The following ZNF423 variants were observed in gnomAD, a reference collection of about 807,000 sequenced individuals.
ZNF423 encodes Ebf-associated zinc finger protein.
Under a neutral mutation model 95.8 loss-of-function variants are expected in ZNF423, and 12 were observed. That is an observed-to-expected ratio of 0.13 (90% CI 0.08 to 0.20). The LOEUF (loss-of-function observed/expected upper bound fraction) is 0.20. Among genes scored for constraint, ZNF423 ranks in the 10% least tolerant of loss-of-function variants. The pLI is 1.00. For missense variants in ZNF423, 1,316 were observed against 1,737.1 expected (o/e 0.76, Z 4.31); for synonymous variants, 749 against 711.9 (o/e 1.05, Z -0.83).
chr16:49,719,244 G>A (rs1240227017), intron 3 of ZNF423, among the ~76,000 whole-genome samples: 1 of 152,178 alleles, frequency 6.6e-6, no homozygotes, highest in African/African-American at 2.4e-5. Context: ...CCGGCCTAAT[G>A]AAAAAGCAGA....
chr16:49,822,579 A>G, intron 1 of ZNF423: 2 of 1,092,250 alleles, frequency 1.8e-6, no homozygotes, highest in Non-Finnish European at 2.6e-6. Context: ...TGAGACCCAC[A>G]TTGTCCAAGA....
At chr16:49,584,281 G>A (rs753787346) in intron 5 of ZNF423, among the ~76,000 whole-genome samples, 2 of 152,130 alleles carry the variant, frequency 1.3e-5, no homozygotes, top group South Asian at 2.1e-4. Flanking sequence ...ACGAAAGAAC[G>A]TCTATCTAAT....
intron 5 of ZNF423, among the ~76,000 whole-genome samples, chr16:49,569,701 T>A (rs1970299551): frequency 6.6e-6 from 1 of 152,194 alleles, no homozygotes; most frequent in African/African-American, 2.4e-5. Flanking sequence ...TTGTGTGGTG[T>A]ATCCCTAGCC....
At chr16:49,854,650 T>C in intron 1 of ZNF423, 1 of 985,264 alleles carries the variant, frequency 1.0e-6, no homozygotes, top group Non-Finnish European at 1.2e-6. Flanking sequence ...ACCGAGGGGC[T>C]AGAATCGGGA....
At chr16:49,538,410 A>G (rs1177434873) in intron 5 of ZNF423, among the ~76,000 whole-genome samples, 3 of 152,102 alleles carry the variant, frequency 2.0e-5, no homozygotes, top group Non-Finnish European at 4.4e-5. Flanking sequence ...CATGCGACAG[A>G]CACCTGGCAA....
chr16:49,620,664 A>C (rs1972043700), intron 5 of ZNF423, among the ~76,000 whole-genome samples: 1 of 152,082 alleles, frequency 6.6e-6, no homozygotes, highest in Admixed American at 6.5e-5. Flanking sequence ...GGCTCCCCCA[A>C]GGGGCCCGTG....
At chr16:49,600,675 C>T (rs372121726) in intron 5 of ZNF423, among the ~76,000 whole-genome samples, 6 of 152,234 alleles carry the variant, frequency 3.9e-5, no homozygotes, top group Admixed American at 6.5e-5. Flanking sequence ...AGCCGGCCGA[C>T]GTTTATTACC....
intron 2 of ZNF423, among the ~76,000 whole-genome samples, chr16:49,762,014 G>A (rs2033841509): frequency 6.6e-6 from 1 of 151,938 alleles, no homozygotes; most frequent in African/African-American, 2.4e-5. Context: ...GTCTCACTAT[G>A]TTGCCCAGGA....
At position 49,855,207 on chromosome 16, in the gene ZNF423, C is replaced by T. The variant is rs1486376290; in HGVS notation, c.40+528G>A. Among the ~76,000 whole-genome samples the T allele has an allele frequency of 6.6e-6, 1 of 150,696 alleles. No individual in the cohort carries two copies. Among genetic ancestry groups the T allele is most frequent in the Non-Finnish European group, 1.5e-5 (1 of 67,542 alleles). On this transcript the variant is annotated intron_variant, in intron 1 of 7. Coordinates refer to ENST00000563137, the MANE Select transcript of ZNF423 (RefSeq NM_001379286.1). The surrounding 1 kb of genome is among the most constrained non-coding windows in gnomAD (Gnocchi z 4.7). ...GGGCGCTCGCCGACAGCGCCCGCCG[C>T]TCCCCGCGTCCTCGGGCGACCAGGC...
chr16:49,850,007 C>T (rs991059730), intron 1 of ZNF423, among the ~76,000 whole-genome samples: 2 of 152,216 alleles, frequency 1.3e-5, no homozygotes, highest in Admixed American at 6.5e-5. Flanking sequence ...TTTCACAAGA[C>T]ATTAAAAATC....
At chr16:49,620,868 C>T (rs928556703) in intron 5 of ZNF423, among the ~76,000 whole-genome samples, 2 of 152,202 alleles carry the variant, frequency 1.3e-5, no homozygotes, top group Non-Finnish European at 2.9e-5. Flanking sequence ...CAGGCCCTGC[C>T]CCCCAGGGTG....
At chr16:49,664,003 G>T in intron 3 of ZNF423, 1 of 934,094 alleles carries the variant, frequency 1.1e-6, no homozygotes, top group African/African-American at 1.8e-5. Context: ...GGGACTCGGC[G>T]TTCCGGTGCA....
intron 5 of ZNF423, among the ~76,000 whole-genome samples, chr16:49,578,571 T>C (rs1173695200): frequency 6.6e-6 from 1 of 152,152 alleles, no homozygotes; most frequent in Non-Finnish European, 1.5e-5. Context: ...CCCCCTCGCC[T>C]CTCGCCCTCT....
At chr16:49,760,586 C>G (rs1418380410) in intron 2 of ZNF423, among the ~76,000 whole-genome samples, 1 of 152,066 alleles carries the variant, frequency 6.6e-6, no homozygotes, top group African/African-American at 2.4e-5. Flanking sequence ...AAGACATGGT[C>G]CTGCCGCCAA....
chr16:49,598,578 G>A (rs1417860742), intron 5 of ZNF423, among the ~76,000 whole-genome samples: 2 of 152,354 alleles, frequency 1.3e-5, no homozygotes, highest in Non-Finnish European at 2.9e-5. Flanking sequence ...GCTGGCTGGT[G>A]AGCACGCGCA....
At chr16:49,550,943 C>G (rs935328557) in intron 5 of ZNF423, among the ~76,000 whole-genome samples, 1 of 152,198 alleles carries the variant, frequency 6.6e-6, no homozygotes, top group Non-Finnish European at 1.5e-5. Context: ...CTAGAGGGCC[C>G]CTTTGTGGCT....
chr16:49,564,556 AG>A (rs1970126326), intron 5 of ZNF423, among the ~76,000 whole-genome samples: 1 of 152,204 alleles, frequency 6.6e-6, no homozygotes. Flanking sequence ...GGGAAAGCGA[AG>A]GACAGCTGGC....
chr16:49,543,047 T>G (rs1969307878), intron 5 of ZNF423, among the ~76,000 whole-genome samples: 1 of 152,116 alleles, frequency 6.6e-6, no homozygotes, highest in South Asian at 2.1e-4. Flanking sequence ...AAAGATCCAA[T>G]ATTTGTATTT....
intron 5 of ZNF423, among the ~76,000 whole-genome samples, chr16:49,553,412 T>C (rs1417367076): frequency 6.6e-6 from 1 of 152,134 alleles, no homozygotes; most frequent in Non-Finnish European, 1.5e-5. Context: ...AATAATGCAA[T>C]CATAGCTCAC....
Sources: allele counts gnomAD v4.1 joint callset (sites outside exome capture counted in the v4.1 genomes callset), GRCh38; gene constraint gnomAD v4.1.1; non-coding constraint Gnocchi (gnomAD v3.1); transcripts MANE v1.5; gene names NCBI Gene and HGNC (gene_info 2026-07-23, HGNC 2026-07-21).